Variants in TMCO6 observed in about 807,000 individuals in gnomAD.
TMCO6 encodes transmembrane and coiled-coil domains 6.
Under a neutral mutation model 61.8 loss-of-function variants are expected in TMCO6, and 47 were observed. The ratio of observed to expected loss-of-function variants is 0.76; its 90% CI spans 0.60 to 0.97. The LOEUF (loss-of-function observed/expected upper bound fraction) is 0.97. TMCO6 is among the 50% of genes least tolerant of loss of function. The probability of loss-of-function intolerance (pLI) is 0.00; values close to 1 mark genes in which losing one functional copy is unlikely to be tolerated. For synonymous variants in TMCO6, 261 were observed against 254.2 expected, an observed-to-expected ratio of 1.03 and a Z score of -0.25; for missense variants, 557 against 601.6, an observed-to-expected ratio of 0.93 and a Z score of 0.78.
At chr5:140,632,129 G>A in the TMCO6 span, 2 of 1,614,194 alleles carry the variant, frequency 1.2e-6, no homozygotes, top group Non-Finnish European at 1.7e-6. The surrounding 1 kb of genome is among the most constrained non-coding windows in gnomAD (Gnocchi z 6.2). Flanking sequence ...CCAGCCCAGC[G>A]AACGACAGAT....
At chr5:140,644,813 C>A in intron 11 of TMCO6, 73 bp downstream of exon 11, 1 of 1,582,052 alleles carries the variant, frequency 6.3e-7, no homozygotes, top group South Asian at 1.1e-5. Context: ...CCCATCCAGT[C>A]CTAACTATAG....
the TMCO6 span, chr5:140,632,191 C>T: frequency 1.2e-5 from 20 of 1,613,502 alleles, no homozygotes; most frequent in South Asian, 3.3e-5. The surrounding 1 kb of genome is among the most constrained non-coding windows in gnomAD (Gnocchi z 6.2). Flanking sequence ...CTAGGGTTTA[C>T]GGTGGCGCGC....
chr5:140,633,104 G>C, the TMCO6 span: 1 of 1,613,800 alleles, frequency 6.2e-7, no homozygotes, highest in Admixed American at 1.7e-5. Flanking sequence ...CTGAGCTCCG[G>C]ACAGGCTCTG....
At chr5:140,647,683 C>T, downstream of TMCO6, 1 of 1,476,230 alleles carries the variant, frequency 6.8e-7, no homozygotes, top group Non-Finnish European at 9.2e-7. Flanking sequence ...CTGCATGAGG[C>T]AGGGGCGGGG....
Position 140,642,267 on chromosome 5 carries a change from C to T in TMCO6, c.499-48C>T, listed in dbSNP as rs745333896. ...CCCCTCCCCATCTCCCCACACGCAGCCTGGCATGAAACAGGCCAAGCCCAG... is the reference window on the plus strand; with the variant it reads ...CCCCTCCCCATCTCCCCACACGCAGTCTGGCATGAAACAGGCCAAGCCCAG... On this transcript the variant is annotated intron_variant, in intron 4 of 11. Transcript: ENST00000394671. 28 of 1,533,990 alleles carry T rather than the reference C, an allele frequency of 1.8e-5. No individual in the cohort carries two copies. In the South Asian group the frequency reaches 3.0e-4, roughly 17 times the overall value.
chr5:140,637,139 C>G (rs890005511), upstream of TMCO6, among the ~76,000 whole-genome samples: 1 of 152,108 alleles, frequency 6.6e-6, no homozygotes, highest in Admixed American at 6.6e-5. Flanking sequence ...GTGCGAGAGC[C>G]TCCCCCAAGA....
the TMCO6 span, chr5:140,632,416 C>G: frequency 6.2e-7 from 1 of 1,614,220 alleles, no homozygotes; most frequent in Non-Finnish European, 8.5e-7. This position sits in a 1 kb window ranked among gnomAD's most constrained non-coding sequence, Gnocchi z 6.2. Flanking sequence ...AAGGCGCGAA[C>G]CTGTTCGCAG....
At chr5:140,610,039 A>AT in the TMCO6 span, among the ~76,000 whole-genome samples, 563 of 149,220 alleles carry the variant, frequency 3.8e-3, 1 homozygote, top group African/African-American at 0.013. Context: ...TGCCTGGCTA[A>AT]TTTTTTTTTT....
chr5:140,632,464 C>T, the TMCO6 span: 4 of 1,614,192 alleles, frequency 2.5e-6, no homozygotes, highest in Non-Finnish European at 2.5e-6. This position sits in a 1 kb window ranked among gnomAD's most constrained non-coding sequence, Gnocchi z 6.2. Context: ...ATGCTCAGTA[C>T]CTTGAGGCCT....
chr5:140,631,460 TC>T, the TMCO6 span, among the ~76,000 whole-genome samples: 2 of 152,152 alleles, frequency 1.3e-5, no homozygotes, highest in Non-Finnish European at 2.9e-5. Flanking sequence ...TTTTGTATCT[TC>T]CAAATATCAT....
the TMCO6 span, chr5:140,631,755 G>T: frequency 2.7e-6 from 3 of 1,095,248 alleles, no homozygotes; most frequent in Non-Finnish European, 4.0e-6. Flanking sequence ...TTTAATAAAG[G>T]TGGGGCAAAG....
At chr5:140,602,026 C>T in the TMCO6 span, among the ~76,000 whole-genome samples, 1 of 152,184 alleles carries the variant, frequency 6.6e-6, no homozygotes, top group African/African-American at 2.4e-5. Context: ...AATTCCTTGT[C>T]CAAAGGCATC....
chr5:140,630,072 C>T, the TMCO6 span, among the ~76,000 whole-genome samples: 1 of 151,812 alleles, frequency 6.6e-6, no homozygotes, highest in Non-Finnish European at 1.5e-5. Context: ...TCACTGCAAC[C>T]TCTGCCTCCC....
At position 140,641,863 on chromosome 5, in the gene TMCO6, C is replaced by T. The variant is rs545594648; in HGVS notation, c.315-7C>T. ...GCTAAGCAGGGCTCTGGTACTCACTCACATAGGCTGGAGGGCAGCATGCGG... is the reference window on the plus strand; with the variant it reads ...GCTAAGCAGGGCTCTGGTACTCACTTACATAGGCTGGAGGGCAGCATGCGG... On this transcript the variant is annotated splice_region_variant and splice_polypyrimidine_tract_variant and intron_variant, in intron 3 of 11. Coordinates refer to ENST00000394671, the MANE Select transcript of TMCO6 (RefSeq NM_018502.5). The T allele has an allele frequency of 4.8e-5, 78 of 1,613,080 alleles. No homozygotes were observed. The highest frequency in any genetic ancestry group is 6.4e-5 in the Non-Finnish European group (76 of 1,179,098).
downstream of TMCO6, chr5:140,647,396 G>A: frequency 6.2e-7 from 1 of 1,611,194 alleles, no homozygotes; most frequent in East Asian, 2.2e-5. Context: ...CGCGTGCTGT[G>A]GGCGGGGGCT....
intron 10 of TMCO6, among the ~76,000 whole-genome samples, 168 bp from the exon 11 acceptor site, chr5:140,644,405 T>C (rs1757258588): frequency 6.6e-6 from 1 of 152,262 alleles, no homozygotes; most frequent in African/African-American, 2.4e-5. Context: ...TCCTCACTTA[T>C]AACTGAGGAT....
At chr5:140,647,192 C>A, downstream of TMCO6, 2 of 1,493,540 alleles carry the variant, frequency 1.3e-6, no homozygotes, top group South Asian at 2.7e-5. Context: ...CTTGGGCGGT[C>A]CCTTCTCTTC....
At chr5:140,641,271 A>AG (rs1445476437) in intron 2 of TMCO6, 9 of 165,230 alleles carry the variant, frequency 5.4e-5, no homozygotes, top group African/African-American at 1.9e-4. Flanking sequence ...ATGTAAAAAA[A>AG]AGAAAAAGAA....
At chr5:140,632,899 C>G in the TMCO6 span, 1 of 1,614,200 alleles carries the variant, frequency 6.2e-7, no homozygotes, top group South Asian at 1.1e-5. This position sits in a 1 kb window ranked among gnomAD's most constrained non-coding sequence, Gnocchi z 6.2. Context: ...AAATCTTCAT[C>G]GTCCAGCTCA....
Sources: gnomAD v4.1 joint callset for allele counts (sites outside exome capture counted in the v4.1 genomes callset) on GRCh38, gnomAD v4.1.1 for gene constraint, Gnocchi (gnomAD v3.1) non-coding constraint, MANE v1.5 for transcripts, NCBI Gene and HGNC (gene_info 2026-07-23, HGNC 2026-07-21) for gene names.